The following WNK3 variants were observed in gnomAD, a reference collection of about 807,000 sequenced individuals.
WNK3 encodes the protein WNK lysine deficient protein kinase 3, also known as serine/threonine-protein kinase WNK3.
WNK3 carries 18 observed loss-of-function variants against 116.7 expected under a neutral mutation model. That is an observed-to-expected ratio of 0.15 (90% CI 0.11 to 0.23). WNK3 has a LOEUF of 0.23. Ranked by LOEUF, WNK3 falls within the 10% of genes least tolerant of loss-of-function variation. The pLI, the probability that WNK3 is intolerant of heterozygous loss-of-function variation, is 1.00. For synonymous variants in WNK3, 404 were observed against 469.4 expected (o/e 0.86, Z 1.80); for missense variants, 993 against 1,323.8 (o/e 0.75, Z 3.88).
chrX:54,343,363 C>T (rs1380428896), intron 1 of WNK3, among the ~76,000 whole-genome samples: 1 of 109,750 alleles, frequency 9.1e-6, no homozygotes, highest in Non-Finnish European at 1.9e-5. Context: ...AAAAATTAGC[C>T]GAGCATGGTG....
intron 1 of WNK3, among the ~76,000 whole-genome samples, chrX:54,345,398 A>C (rs1268031660): frequency 1.8e-5 from 2 of 111,036 alleles, no homozygotes; most frequent in Non-Finnish European, 3.8e-5. Context: ...AAATATATTT[A>C]TCTAGAGTTA....
Position 54,245,145 on chromosome X carries a change from CGTGTGTGTGT to C in WNK3, c.3651+3542_3651+3551del, listed in dbSNP as rs782272022. ...TTGTGCATTTATGTACATATATATG[CGTGTGTGTGT>C]GTGTGTGTGTGTGTGTGTGTGTGTG... On this transcript the variant is annotated intron_variant, in intron 17 of 23. Transcript: ENST00000354646. 5.3e-3 allele frequency among the ~76,000 whole-genome samples: 448 copies of C among 84,659 alleles called. 2 individuals carry two copies. Among genetic ancestry groups the C allele is most frequent in the African/African-American group, 0.018 (410 of 22,702 alleles). 73.5% of individuals were successfully genotyped at this position (84,659 alleles called of 115,157 possible).
chrX:54,302,004 C>T, intron 5 of WNK3, 145 bp from the exon 6 acceptor site: 1 of 451,301 alleles, frequency 2.2e-6, no homozygotes. Flanking sequence ...ATATAGAGAA[C>T]ATAAGTTTAA....
chrX:54,194,441 C>T (rs782433985), exon 24 of WNK3: 4 of 112,217 alleles, frequency 3.6e-5, no homozygotes, highest in African/African-American at 9.7e-5. Flanking sequence ...GGCACACAGA[C>T]GAGAAATGCA....
chrX:54,206,702 C>G (rs1034920504), intron 22 of WNK3, among the ~76,000 whole-genome samples: 2 of 112,182 alleles, frequency 1.8e-5, no homozygotes, highest in Non-Finnish European at 3.8e-5. Context: ...CTCCTTGGCT[C>G]TAGCCAATAT....
exon 4 of WNK3, chrX:54,309,171 T>C: frequency 8.3e-7 from 1 of 1,211,125 alleles, no homozygotes. Flanking sequence ...ATCCAGTGGG[T>C]CCCGTGATGA....
At chrX:54,344,503 T>G (rs2069380364) in intron 1 of WNK3, among the ~76,000 whole-genome samples, 1 of 111,978 alleles carries the variant, frequency 8.9e-6, no homozygotes, top group South Asian at 3.6e-4. Flanking sequence ...GCATAGAAGG[T>G]TCACATGTTC....
exon 17 of WNK3, chrX:54,249,140 A>G: frequency 8.3e-7 from 1 of 1,211,568 alleles, no homozygotes; most frequent in East Asian, 3.0e-5. Flanking sequence ...GTCTTAGGAG[A>G]ACTTGCTTCA....
intron 7 of WNK3, among the ~76,000 whole-genome samples, chrX:54,296,254 G>GAGGGATC (rs1353994889): frequency 1.8e-5 from 2 of 111,403 alleles, no homozygotes; most frequent in African/African-American, 3.3e-5. Context: ...TCTGCTTTAA[G>GAGGGATC]ATGATCCCTC....
In WNK3 at chrX:54,306,011, C is replaced by T. The variant is rs1342814322; in HGVS notation, c.1089+1911G>A. Among the ~76,000 whole-genome samples, 7 of 110,695 alleles carry T rather than the reference C, an allele frequency of 6.3e-5. No individual in the cohort carries two copies. The East Asian group carries it at 2.0e-3, about 31-fold the overall frequency. On this transcript the variant is annotated intron_variant, in intron 5 of 23. Transcript: ENST00000354646. ...TGGAGGATGCAGTGAGCCGAGATAGCGCCATTGCACTCCAGCCTAGACGAC... is the reference window on the plus strand; with the variant it reads ...TGGAGGATGCAGTGAGCCGAGATAGTGCCATTGCACTCCAGCCTAGACGAC...
chrX:54,299,898 T>C (rs1557167137), intron 6 of WNK3, among the ~76,000 whole-genome samples: 2 of 110,465 alleles, frequency 1.8e-5, no homozygotes, highest in South Asian at 3.9e-4. Context: ...CTCACTCTGT[T>C]GCCCAGGCTG....
chrX:54,194,625 T>C (rs1263787296), exon 24 of WNK3: 2 of 111,415 alleles, frequency 1.8e-5, no homozygotes, highest in Non-Finnish European at 3.8e-5. Context: ...CAGAAGCACA[T>C]GGCTCTCCAC....
chrX:54,353,886 A>C (rs1315128113), intron 1 of WNK3, among the ~76,000 whole-genome samples: 1 of 110,942 alleles, frequency 9.0e-6, no homozygotes, highest in Non-Finnish European at 1.9e-5. Flanking sequence ...GTTCGAGACC[A>C]GCCTGGCCAA....
intron 22 of WNK3, among the ~76,000 whole-genome samples, chrX:54,215,964 A>G (rs2067688870): frequency 9.0e-6 from 1 of 111,173 alleles, no homozygotes; most frequent in Non-Finnish European, 1.9e-5. Context: ...GGATGCTGTT[A>G]ATCTATAATC....
chrX:54,341,617 A>G (rs782099103), intron 1 of WNK3, among the ~76,000 whole-genome samples: 3 of 111,242 alleles, frequency 2.7e-5, no homozygotes, highest in Non-Finnish European at 5.7e-5. Flanking sequence ...AATAATAAAA[A>G]AAAAGGAATG....
At chrX:54,358,548 G>A (rs1557179804), upstream of WNK3, 3 of 111,561 alleles carry the variant, frequency 2.7e-5, no homozygotes, top group African/African-American at 6.5e-5. Context: ...CATACCTGCC[G>A]GCTTTGGGAT....
intron 10 of WNK3, among the ~76,000 whole-genome samples, chrX:54,281,476 G>A (rs782002897): frequency 3.6e-5 from 4 of 110,883 alleles, no homozygotes; most frequent in African/African-American, 6.6e-5. Flanking sequence ...AGAGTGAGAC[G>A]CTGACTCAAA....
intron 11 of WNK3, among the ~76,000 whole-genome samples, chrX:54,256,714 G>C (rs2068196493): frequency 8.9e-6 from 1 of 112,160 alleles, no homozygotes; most frequent in Non-Finnish European, 1.9e-5. Context: ...TCTATATATA[G>C]ATGTACAAGA....
chrX:54,229,563 GA>G (rs781899049), intron 21 of WNK3, among the ~76,000 whole-genome samples: 2 of 107,968 alleles, frequency 1.9e-5, no homozygotes, highest in Admixed American at 1.0e-4. Flanking sequence ...AAACAGTTTT[GA>G]AAAAAAACAA....
Sources: gnomAD v4.1 joint callset for allele counts (sites outside exome capture counted in the v4.1 genomes callset) on GRCh38, gnomAD v4.1.1 for gene constraint, MANE v1.5 for transcripts, NCBI Gene and HGNC (gene_info 2026-07-23, HGNC 2026-07-21) for gene names.